The following KCNT2 variants were observed in gnomAD, a reference collection of about 807,000 sequenced individuals.
KCNT2 encodes potassium sodium-activated channel subfamily T member 2.
KCNT2 carries 67 observed loss-of-function variants against 153.8 expected under a neutral mutation model. The observed-to-expected ratio is 0.44, with a 90% CI of 0.36 to 0.53. The LOEUF is 0.53. KCNT2 is among the 20% of genes least tolerant of loss of function. The pLI is 0.00. For synonymous variants in KCNT2, 500 were observed against 458.8 expected (o/e 1.09, Z -1.15); for missense variants, 975 against 1,354.8 (o/e 0.72, Z 4.40).
chr1:196,400,350 A>G (rs1341282935), intron 12 of KCNT2, among the ~76,000 whole-genome samples: 2 of 151,726 alleles, frequency 1.3e-5, no homozygotes, highest in Admixed American at 1.3e-4. Context: ...TTATTTCATT[A>G]TGTTTAGTGT....
chr1:196,429,896 G>A (rs1375307396), intron 8 of KCNT2, 139 bp from the exon 9 acceptor site: 4 of 588,062 alleles, frequency 6.8e-6, no homozygotes, highest in African/African-American at 1.9e-5. Context: ...TATTTTTCTA[G>A]GAAAGATATA....
At chr1:196,378,613 A>G (rs1229615781) in intron 13 of KCNT2, among the ~76,000 whole-genome samples, 1 of 151,162 alleles carries the variant, frequency 6.6e-6, no homozygotes, top group Non-Finnish European at 1.5e-5. Context: ...AGTAGTTTTA[A>G]CCATAGTTCA....
intron 25 of KCNT2, among the ~76,000 whole-genome samples, chr1:196,278,169 A>AT (rs906006889): frequency 1.6e-4 from 25 of 152,226 alleles, no homozygotes; most frequent in Non-Finnish European, 2.8e-4. Flanking sequence ...ACATATTGCT[A>AT]TTTTTTACCT....
chr1:196,488,720 AACAC>A (rs1679626079), intron 3 of KCNT2, among the ~76,000 whole-genome samples: 1 of 152,000 alleles, frequency 6.6e-6, no homozygotes. Flanking sequence ...TTTATTGTGC[AACAC>A]ACTATCAATA....
intron 8 of KCNT2, among the ~76,000 whole-genome samples, chr1:196,451,407 ATTTTTTTTTT>A (rs35621901): frequency 4.8e-5 from 3 of 62,894 alleles, no homozygotes; most frequent in African/African-American, 6.8e-5. Flanking sequence ...CACCCAACAC[ATTTTTTTTTT>A]TTTTTTTTTT....
chr1:196,348,810 G>A (rs1210658196), intron 14 of KCNT2, among the ~76,000 whole-genome samples: 1 of 152,052 alleles, frequency 6.6e-6, no homozygotes, highest in African/African-American at 2.4e-5. Flanking sequence ...TGGATCTCAT[G>A]ATGTCGGGGG....
intron 8 of KCNT2, among the ~76,000 whole-genome samples, chr1:196,457,375 A>C (rs2148639450): frequency 6.6e-6 from 1 of 151,940 alleles, no homozygotes; most frequent in South Asian, 2.1e-4. Flanking sequence ...TGGATAGTAA[A>C]CTGAACTTAG....
At chr1:196,603,939 T>G (rs1211040058) in intron 1 of KCNT2, among the ~76,000 whole-genome samples, 1 of 152,250 alleles carries the variant, frequency 6.6e-6, no homozygotes, top group Admixed American at 6.5e-5. Flanking sequence ...AGTGTTTAAC[T>G]GCAGGAGAAT....
intron 22 of KCNT2, among the ~76,000 whole-genome samples, chr1:196,294,073 T>C (rs1243873105): frequency 6.6e-6 from 1 of 151,908 alleles, no homozygotes; most frequent in East Asian, 1.9e-4. Flanking sequence ...AAAGAACATA[T>C]ATAACCGGCC....
intron 5 of KCNT2, among the ~76,000 whole-genome samples, chr1:196,474,198 C>T (rs1044023258): frequency 6.6e-6 from 1 of 151,978 alleles, no homozygotes; most frequent in Non-Finnish European, 1.5e-5. Context: ...AACATGGAAC[C>T]TTGGAACTAC....
intron 8 of KCNT2, among the ~76,000 whole-genome samples, chr1:196,458,301 C>T (rs1038592635): frequency 3.2e-4 from 49 of 151,684 alleles, no homozygotes; most frequent in African/African-American, 1.1e-3. Flanking sequence ...TTAATTATTT[C>T]TTTTATAAAA....
intron 12 of KCNT2, among the ~76,000 whole-genome samples, chr1:196,399,836 G>C (rs371604062): frequency 6.6e-6 from 1 of 151,684 alleles, no homozygotes; most frequent in Admixed American, 6.6e-5. Flanking sequence ...GAGCTCCCTC[G>C]CTTCTTCAGC....
chr1:196,582,903 T>G (rs1662235906), intron 1 of KCNT2, among the ~76,000 whole-genome samples: 1 of 152,088 alleles, frequency 6.6e-6, no homozygotes. Flanking sequence ...TACAGGATTA[T>G]AAAATATAAT....
chr1:196,257,131 G>T, intron 26 of KCNT2: 1 of 625,580 alleles, frequency 1.6e-6, no homozygotes, highest in Non-Finnish European at 2.0e-6. Context: ...TCAAAATTCT[G>T]AAAGGTAAAA....
intron 19 of KCNT2, among the ~76,000 whole-genome samples, chr1:196,322,540 A>T (rs1663427639): frequency 1.3e-5 from 2 of 151,908 alleles, no homozygotes; most frequent in South Asian, 4.1e-4. Context: ...TAATTCTATT[A>T]GAAAAGATGA....
chr1:196,452,148 C>T (rs181360906), intron 8 of KCNT2, among the ~76,000 whole-genome samples: 19 of 152,020 alleles, frequency 1.2e-4, no homozygotes, highest in Admixed American at 7.9e-4. Context: ...TACAAGTGCA[C>T]GACTAAAGTC....
intron 1 of KCNT2, among the ~76,000 whole-genome samples, chr1:196,550,372 T>C (rs1657735294): frequency 6.6e-6 from 1 of 151,918 alleles, no homozygotes. Context: ...GCACCATGTG[T>C]AAGAAAATAC....
chr1:196,245,977 A>G (rs1441002915), intron 26 of KCNT2, among the ~76,000 whole-genome samples: 1 of 152,190 alleles, frequency 6.6e-6, no homozygotes, highest in African/African-American at 2.4e-5. Context: ...AAATACATCA[A>G]TATATAAATA....
At chr1:196,421,633 CAT>C (rs1044893484) in intron 12 of KCNT2, among the ~76,000 whole-genome samples, 1 of 151,986 alleles carries the variant, frequency 6.6e-6, no homozygotes, top group African/African-American at 2.4e-5. Flanking sequence ...TACTTTTTCT[CAT>C]ATATATATTT....
Sources: gnomAD v4.1 joint callset for allele counts (sites outside exome capture counted in the v4.1 genomes callset) on GRCh38, gnomAD v4.1.1 for gene constraint, MANE v1.5 for transcripts, NCBI Gene and HGNC (gene_info 2026-07-23, HGNC 2026-07-21) for gene names.